ODAD2: variants seen among roughly 807,000 people sequenced by gnomAD.
The protein encoded by ODAD2 is outer dynein arm docking complex subunit 2, also known as outer dynein arm-docking complex subunit 2.
ODAD2 carries 89 observed loss-of-function variants against 106.8 expected under a neutral mutation model. The ratio of observed to expected loss-of-function variants is 0.83; its 90% CI spans 0.70 to 0.99. The LOEUF (loss-of-function observed/expected upper bound fraction) is 0.99. Ranked by LOEUF, ODAD2 falls within the 50% of genes least tolerant of loss-of-function variation. The pLI, the probability that ODAD2 is intolerant of heterozygous loss-of-function variation, is 0.00. For synonymous variants in ODAD2, 404 were observed against 436.2 expected, an observed-to-expected ratio of 0.93 and a Z score of 0.92; for missense variants, 1,168 against 1,238.5, an observed-to-expected ratio of 0.94 and a Z score of 0.85.
At chr10:27,850,173 G>A (rs748684677) in intron 19 of ODAD2, among the ~76,000 whole-genome samples, 5 of 152,170 alleles carry the variant, frequency 3.3e-5, no homozygotes, top group Non-Finnish European at 7.3e-5. Context: ...TGCTGGGCGT[G>A]GCGGCTCACA....
At chr10:27,928,425 T>C (rs1374100861) in intron 16 of ODAD2, among the ~76,000 whole-genome samples, 1 of 152,114 alleles carries the variant, frequency 6.6e-6, no homozygotes, top group Non-Finnish European at 1.5e-5. Flanking sequence ...CCTATGATGA[T>C]CCCCTAACAA....
intron 17 of ODAD2, among the ~76,000 whole-genome samples, chr10:27,905,414 A>T (rs544481259): frequency 4.6e-4 from 70 of 152,240 alleles, no homozygotes; most frequent in African/African-American, 1.6e-3. Context: ...ATAGGAAGAA[A>T]CAATATCATG....
chr10:27,881,010 C>T (rs1841669081), intron 17 of ODAD2, among the ~76,000 whole-genome samples: 1 of 152,160 alleles, frequency 6.6e-6, no homozygotes, highest in Non-Finnish European at 1.5e-5. Flanking sequence ...CACATCCTAG[C>T]ATCCATCACT....
intron 17 of ODAD2, among the ~76,000 whole-genome samples, chr10:27,900,778 G>A (rs1374082941): frequency 6.6e-6 from 1 of 152,104 alleles, no homozygotes; most frequent in Non-Finnish European, 1.5e-5. Flanking sequence ...AGAATGAAAA[G>A]GAACGAATGA....
rs1366902573 is a variant in ODAD2 at position 27,836,188 on chromosome 10, T to C, written c.3022-23563A>G. On this transcript the variant is annotated intron_variant, in intron 19 of 19. Transcript: ENST00000305242. ...ATATATATTCAGTACATATACACAG[T>C]TGAATACATATGCATGTATATGTGT... is the stretch of plus-strand genomic sequence containing the variant. 4.6e-5 allele frequency: 7 copies of C among 152,228 alleles called. No homozygotes were observed. The East Asian group carries it at 1.4e-3, about 29-fold the overall frequency. 9.4% of individuals were successfully genotyped at this position (152,228 alleles called of 1,614,324 possible). A position where few individuals can be genotyped will look rare whatever the true frequency, so the allele number is the denominator to read the frequency against.
At chr10:27,916,900 T>C (rs555761149) in intron 16 of ODAD2, among the ~76,000 whole-genome samples, 148 of 152,200 alleles carry the variant, frequency 9.7e-4, no homozygotes, top group African/African-American at 3.3e-3. Flanking sequence ...GGGACAGCTC[T>C]AGGAAGAAAA....
chr10:27,933,913 C>T (rs750349451), intron 16 of ODAD2, among the ~76,000 whole-genome samples: 27 of 152,042 alleles, frequency 1.8e-4, no homozygotes, highest in Non-Finnish European at 2.8e-4. Flanking sequence ...CGTGGTTAGA[C>T]GAAGCCCCCT....
intron 9 of ODAD2, among the ~76,000 whole-genome samples, chr10:27,963,726 G>A (rs1848305896): frequency 1.3e-5 from 2 of 151,990 alleles, no homozygotes; most frequent in African/African-American, 4.8e-5. Flanking sequence ...TGATTACAGG[G>A]TATTGGCTCA....
At chr10:27,842,179 C>T (rs1408374600) in intron 19 of ODAD2, among the ~76,000 whole-genome samples, 2 of 152,162 alleles carry the variant, frequency 1.3e-5, no homozygotes, top group African/African-American at 4.8e-5. Context: ...ATTCAGCACA[C>T]TTGGTAATTA....
intron 16 of ODAD2, among the ~76,000 whole-genome samples, chr10:27,909,933 G>A (rs938091950): frequency 6.6e-6 from 1 of 150,390 alleles, no homozygotes; most frequent in African/African-American, 2.4e-5. Context: ...GTCAGGAGTA[G>A]TAAGTTAGAA....
chr10:27,972,422 T>A (rs1848921699), intron 7 of ODAD2, among the ~76,000 whole-genome samples: 1 of 152,178 alleles, frequency 6.6e-6, no homozygotes, highest in African/African-American at 2.4e-5. Context: ...AAATTTAAAT[T>A]TAACTATATT....
intron 17 of ODAD2, among the ~76,000 whole-genome samples, chr10:27,896,399 A>T (rs1842855698): frequency 6.6e-6 from 1 of 152,218 alleles, no homozygotes; most frequent in Non-Finnish European, 1.5e-5. Flanking sequence ...ATTGAAATTC[A>T]AAGATATCAA....
intron 15 of ODAD2, 135 bp from the exon 16 acceptor site, chr10:27,935,387 G>T: frequency 1.7e-6 from 2 of 1,197,050 alleles, no homozygotes; most frequent in Non-Finnish European, 2.3e-6. Context: ...TGGTTAATCT[G>T]AAGCTTGGTA....
At chr10:27,813,768 A>G (rs1835919475) in intron 19 of ODAD2, among the ~76,000 whole-genome samples, 1 of 152,182 alleles carries the variant, frequency 6.6e-6, no homozygotes, top group South Asian at 2.1e-4. Flanking sequence ...ACATGATCAT[A>G]TTTGTATTTT....
At chr10:27,937,942 G>GT (rs200460159) in intron 14 of ODAD2, among the ~76,000 whole-genome samples, 2,934 of 152,092 alleles carry the variant, frequency 0.019, 97 homozygotes, top group African/African-American at 0.068. Context: ...ATATATAGAG[G>GT]TTTTTTGTTT....
At chr10:27,976,791 A>C (rs1215642351) in intron 7 of ODAD2, among the ~76,000 whole-genome samples, 2 of 152,184 alleles carry the variant, frequency 1.3e-5, no homozygotes, top group African/African-American at 4.8e-5. Flanking sequence ...AATAGCCAAA[A>C]AACTTTTTTG....
intron 16 of ODAD2, among the ~76,000 whole-genome samples, chr10:27,908,535 A>G (rs147163770): frequency 6.6e-6 from 1 of 152,336 alleles, no homozygotes; most frequent in East Asian, 1.9e-4. Context: ...AATAACCTTT[A>G]CAAACATGGC....
At chr10:27,878,351 T>C (rs538276501) in intron 17 of ODAD2, among the ~76,000 whole-genome samples, 251 of 152,300 alleles carry the variant, frequency 1.6e-3, no homozygotes, top group African/African-American at 5.8e-3. Flanking sequence ...TATTGAGACA[T>C]TATTTACAGA....
intron 17 of ODAD2, among the ~76,000 whole-genome samples, chr10:27,883,213 C>G (rs777912382): frequency 6.6e-5 from 10 of 151,736 alleles, no homozygotes; most frequent in Non-Finnish European, 1.5e-4. Context: ...CACACAGAAC[C>G]CTTATCACAG....
Sources: gnomAD v4.1 joint callset for allele counts (sites outside exome capture counted in the v4.1 genomes callset) on GRCh38, gnomAD v4.1.1 for gene constraint, MANE v1.5 for transcripts, NCBI Gene and HGNC (gene_info 2026-07-23, HGNC 2026-07-21) for gene names.